The following TRPM3 variants were observed in gnomAD, a reference collection of about 807,000 sequenced individuals.
The protein encoded by TRPM3 is transient receptor potential cation channel subfamily M member 3.
Under a neutral mutation model 181.2 loss-of-function variants are expected in TRPM3, and 77 were observed. That is an observed-to-expected ratio of 0.42 (90% CI 0.35 to 0.51). The LOEUF (loss-of-function observed/expected upper bound fraction) is 0.51. Among genes scored for constraint, TRPM3 ranks in the 20% least tolerant of loss-of-function variants. The pLI is 0.01. For missense variants in TRPM3, 1,759 were observed against 2,196.7 expected, an observed-to-expected ratio of 0.80 and a Z score of 3.98; for synonymous variants, 745 against 796.4, an observed-to-expected ratio of 0.94 and a Z score of 1.09.
intron 5 of TRPM3, among the ~76,000 whole-genome samples, chr9:70,832,430 G>A (rs2093999213): frequency 6.6e-6 from 1 of 152,120 alleles, no homozygotes; most frequent in South Asian, 2.1e-4. Flanking sequence ...TGTCCCTTAA[G>A]AGTAAATGAG....
At chr9:71,282,716 G>C (rs1362437046) in intron 1 of TRPM3, among the ~76,000 whole-genome samples, 1 of 152,140 alleles carries the variant, frequency 6.6e-6, no homozygotes, top group African/African-American at 2.4e-5. Flanking sequence ...TCTTACTTAG[G>C]AATATTACTG....
At chr9:70,618,027 CTTAAA>C (rs2063053608) in intron 17 of TRPM3, among the ~76,000 whole-genome samples, 1 of 152,092 alleles carries the variant, frequency 6.6e-6, no homozygotes, top group African/African-American at 2.4e-5. Flanking sequence ...TGTTGTATAC[CTTAAA>C]TTAAAACAAA....
intron 1 of TRPM3, among the ~76,000 whole-genome samples, chr9:71,380,916 G>A (rs1247553065): frequency 6.7e-6 from 1 of 148,286 alleles, no homozygotes; most frequent in African/African-American, 2.5e-5. Flanking sequence ...TAGGGAGTAG[G>A]GGATGACAAA....
chr9:71,256,535 A>G (rs2082686153), intron 1 of TRPM3, among the ~76,000 whole-genome samples: 1 of 152,102 alleles, frequency 6.6e-6, no homozygotes, highest in African/African-American at 2.4e-5. Flanking sequence ...GGAAAAAAAA[A>G]GATTCCTTGG....
intron 1 of TRPM3, among the ~76,000 whole-genome samples, chr9:71,218,627 A>G (rs2080047175): frequency 6.6e-6 from 1 of 152,176 alleles, no homozygotes; most frequent in African/African-American, 2.4e-5. Flanking sequence ...TCTTATAGAA[A>G]CTCATGCCTC....
At chr9:71,126,262 C>T (rs146418654), upstream of TRPM3, among the ~76,000 whole-genome samples, 51 of 152,260 alleles carry the variant, frequency 3.3e-4, no homozygotes, top group East Asian at 8.1e-3. Context: ...GAAACAGGAA[C>T]GCTTTTACAC....
chr9:71,409,501 A>G (rs907598120), intron 1 of TRPM3, among the ~76,000 whole-genome samples: 8 of 152,228 alleles, frequency 5.3e-5, no homozygotes, highest in Non-Finnish European at 1.2e-4. Flanking sequence ...CAAAGATCAA[A>G]GGAGGCAAAG....
intron 9 of TRPM3, among the ~76,000 whole-genome samples, chr9:70,643,535 T>G (rs949301828): frequency 3.3e-5 from 5 of 152,108 alleles, no homozygotes; most frequent in Admixed American, 1.3e-4. Context: ...AATACATCAC[T>G]CAAGAATGGC....
intron 8 of TRPM3, among the ~76,000 whole-genome samples, chr9:70,700,143 C>T (rs1030078345): frequency 3.3e-5 from 5 of 152,140 alleles, no homozygotes; most frequent in South Asian, 2.1e-4. Flanking sequence ...CCACCATGCC[C>T]GGCTAATTTT....
At chr9:71,397,574 C>T (rs1565532435) in intron 1 of TRPM3, among the ~76,000 whole-genome samples, 1 of 152,146 alleles carries the variant, frequency 6.6e-6, no homozygotes, top group African/African-American at 2.4e-5. Context: ...CTACAAGGCC[C>T]TCTTTGGATA....
intron 1 of TRPM3, among the ~76,000 whole-genome samples, chr9:71,053,504 T>A (rs528660116): frequency 4.6e-5 from 7 of 152,228 alleles, no homozygotes; most frequent in Non-Finnish European, 8.8e-5. Flanking sequence ...AGAATGAGTG[T>A]CAACCCGCTC....
At chr9:70,637,596 A>G (rs1564653491) in intron 11 of TRPM3, among the ~76,000 whole-genome samples, 2 of 152,144 alleles carry the variant, frequency 1.3e-5, no homozygotes, top group Non-Finnish European at 2.9e-5. Flanking sequence ...CTGAACCAAG[A>G]AAAGTCTCTG....
rs2058975425 is a variant in TRPM3 at position 71,042,742 on chromosome 9, AC to A, written c.177+78435del. Among the ~76,000 whole-genome samples, 4 of 152,228 alleles carry A rather than the reference AC, an allele frequency of 2.6e-5. No individual in the cohort carries two copies. The South Asian group carries it at 8.3e-4, about 32-fold the overall frequency. ...TTGGGTAACTCTTCATTCTCTTTTT[AC>A]CCAGGTAAGAGTCAATTTTTCAAAC... On this transcript the variant is annotated intron_variant, in intron 1 of 25. Coordinates refer to ENST00000677713, the MANE Select transcript of TRPM3 (RefSeq NM_001366145.2).
intron 1 of TRPM3, among the ~76,000 whole-genome samples, chr9:70,955,871 A>C (rs1206906808): frequency 6.6e-6 from 1 of 152,188 alleles, no homozygotes; most frequent in Admixed American, 6.5e-5. Flanking sequence ...CCACGAGCTC[A>C]CTGGGGGCAG....
rs114620086 is a variant in TRPM3, at chr9:71,081,796, C to T, written c.177+39382G>A. On this transcript the variant is annotated intron_variant, in intron 1 of 25. Coordinates refer to ENST00000677713, the MANE Select transcript of TRPM3 (RefSeq NM_001366145.2). ...TTACCCTCTGCTTTTCAAATCTCAC[C>T]GAGTCTTGTTTTGGCATTAAGCAAT... 9.7e-3 allele frequency among the ~76,000 whole-genome samples: 1,476 copies of T among 152,130 alleles called. 21 individuals carry two copies. The highest frequency in any genetic ancestry group is 0.033 in the African/African-American group (1,388 of 41,500).
At chr9:70,974,796 T>C (rs2097286308) in intron 1 of TRPM3, among the ~76,000 whole-genome samples, 1 of 151,044 alleles carries the variant, frequency 6.6e-6, no homozygotes, top group Non-Finnish European at 1.5e-5. Context: ...TACACAAAAT[T>C]GGAGTTATTT....
rs1034793852 is a variant in TRPM3 at position 71,273,868 on chromosome 9, TCA to T, written c.183+172783_183+172784del. 3.4e-4 allele frequency among the ~76,000 whole-genome samples: 51 copies of T among 152,210 alleles called. 1 individual carries two copies. Among genetic ancestry groups the T allele is most frequent in the African/African-American group, 1.1e-3 (46 of 41,448 alleles). ...TCCATATTGGTAACTTCACAATCTC[TCA>T]GTTATATTCTGCACAGTGCTCCCCA... On this transcript the variant is annotated intron_variant, in intron 1 of 24. Coordinates refer to the TRPM3 transcript ENST00000357533.
chr9:71,066,708 T>C (rs1051701766), intron 1 of TRPM3, among the ~76,000 whole-genome samples: 1 of 152,194 alleles, frequency 6.6e-6, no homozygotes, highest in African/African-American at 2.4e-5. Flanking sequence ...GGCTGTTGAA[T>C]ATTAAATTAT....
chr9:71,430,220 G>C (rs1291709364), intron 1 of TRPM3, among the ~76,000 whole-genome samples: 3 of 152,076 alleles, frequency 2.0e-5, no homozygotes, highest in African/African-American at 7.2e-5. Context: ...TGTACAAATT[G>C]AATGAGATAA....
Sources: gnomAD v4.1 joint callset for allele counts (sites outside exome capture counted in the v4.1 genomes callset) on GRCh38, gnomAD v4.1.1 for gene constraint, MANE v1.5 for transcripts, NCBI Gene and HGNC (gene_info 2026-07-23, HGNC 2026-07-21) for gene names.